Variants in PXDNL observed in about 807,000 individuals in gnomAD.
PXDNL encodes probable oxidoreductase PXDNL.
PXDNL carries 145 observed loss-of-function variants against 150.8 expected under a neutral mutation model. The observed-to-expected ratio is 0.96, with a 90% CI of 0.84 to 1.10. The LOEUF is 1.10. PXDNL is among the 50% of genes least tolerant of loss of function. The pLI is 0.00. For missense variants in PXDNL, 2,087 were observed against 1,873.9 expected, an observed-to-expected ratio of 1.11 and a Z score of -2.10; for synonymous variants, 757 against 725.7, an observed-to-expected ratio of 1.04 and a Z score of -0.69.
chr8:51,699,228 C>A (rs1299672346), intron 1 of PXDNL, among the ~76,000 whole-genome samples: 1 of 152,172 alleles, frequency 6.6e-6, no homozygotes, highest in Non-Finnish European at 1.5e-5. Context: ...GTATTTTCTT[C>A]CAGTAGAAAT....
intron 19 of PXDNL, among the ~76,000 whole-genome samples, chr8:51,355,473 G>A (rs1209841588): frequency 6.6e-6 from 1 of 152,154 alleles, no homozygotes; most frequent in Non-Finnish European, 1.5e-5. Context: ...TTGACTCTTT[G>A]TGCAATTGTT....
chr8:51,440,686 C>A (rs1292023063), intron 12 of PXDNL, among the ~76,000 whole-genome samples: 1 of 152,168 alleles, frequency 6.6e-6, no homozygotes, highest in African/African-American at 2.4e-5. Context: ...AAGTATCTAT[C>A]TAGGAAGGAA....
intron 8 of PXDNL, among the ~76,000 whole-genome samples, chr8:51,463,370 C>G (rs1810126615): frequency 6.6e-6 from 1 of 152,148 alleles, no homozygotes; most frequent in African/African-American, 2.4e-5. Context: ...CTTTTGCTGT[C>G]TTCAACAGAC....
chr8:51,421,770 C>T (rs940385838), intron 14 of PXDNL, among the ~76,000 whole-genome samples: 3 of 152,216 alleles, frequency 2.0e-5, no homozygotes, highest in Non-Finnish European at 2.9e-5. Context: ...TACTAAACTA[C>T]ATTGTTAAAA....
chr8:51,777,830 G>A (rs1461973860), intron 1 of PXDNL, among the ~76,000 whole-genome samples: 2 of 152,218 alleles, frequency 1.3e-5, no homozygotes, highest in Non-Finnish European at 2.9e-5. Context: ...ATGAACCCGG[G>A]AGGCGGAGGT....
rs147241099 is a variant in PXDNL, at chr8:51,732,182, A to G, written c.164+76999T>C. ...TGAATACATAAAACCAAATGCTTTTAACAGGACCCAAGAGCACTTTGCTGC... is the reference window on the plus strand; with the variant it reads ...TGAATACATAAAACCAAATGCTTTTGACAGGACCCAAGAGCACTTTGCTGC... On this transcript the variant is annotated intron_variant, in intron 1 of 22. Transcript: ENST00000356297. Among the ~76,000 whole-genome samples, 449 of 152,308 alleles carry G rather than the reference A, an allele frequency of 2.9e-3. No individual in the cohort carries two copies. The Middle Eastern group carries it at 0.041, about 14-fold the overall frequency.
intron 17 of PXDNL, among the ~76,000 whole-genome samples, chr8:51,398,762 A>G (rs1444409108): frequency 6.6e-6 from 1 of 152,190 alleles, no homozygotes; most frequent in Non-Finnish European, 1.5e-5. Flanking sequence ...CGAGACAGAG[A>G]AGGAAGCAAA....
chr8:51,509,863 T>C (rs898215115), intron 4 of PXDNL, among the ~76,000 whole-genome samples: 32 of 151,718 alleles, frequency 2.1e-4, no homozygotes, highest in Admixed American at 6.6e-5. Flanking sequence ...AAACTTGCAT[T>C]ATACTATGCA....
At chr8:51,320,656 CT>C (rs1805287395) in intron 22 of PXDNL, 127 bp downstream of exon 22, 1 of 689,390 alleles carries the variant, frequency 1.5e-6, no homozygotes, top group East Asian at 2.7e-5. Context: ...GTACCTTGAT[CT>C]TAAAAATATG....
intron 17 of PXDNL, among the ~76,000 whole-genome samples, chr8:51,407,465 G>T (rs1430996108): frequency 1.3e-5 from 2 of 152,122 alleles, no homozygotes; most frequent in Non-Finnish European, 2.9e-5. Flanking sequence ...TTTAAAGGAG[G>T]AATGTTGGTG....
chr8:51,405,450 T>A (rs1323300273), intron 17 of PXDNL, among the ~76,000 whole-genome samples: 2 of 152,168 alleles, frequency 1.3e-5, no homozygotes, highest in Non-Finnish European at 2.9e-5. Context: ...GATGCGGGGC[T>A]CAAGATACAT....
chr8:51,455,537 G>A (rs1389879925), intron 9 of PXDNL, among the ~76,000 whole-genome samples: 1 of 152,122 alleles, frequency 6.6e-6, no homozygotes, highest in African/African-American at 2.4e-5. Flanking sequence ...AATGTGATTA[G>A]GGCACGGGGG....
chr8:51,470,017 G>A (rs1045526751), intron 8 of PXDNL, among the ~76,000 whole-genome samples: 32 of 151,880 alleles, frequency 2.1e-4, no homozygotes, highest in African/African-American at 7.3e-4. Flanking sequence ...TATGTCATAA[G>A]TTAAAACAGG....
chr8:51,752,791 A>G (rs930190785), intron 1 of PXDNL, among the ~76,000 whole-genome samples: 3 of 152,214 alleles, frequency 2.0e-5, no homozygotes, highest in African/African-American at 7.2e-5. Context: ...TTGAAGGAAA[A>G]ATCTTGACTT....
chr8:51,553,740 T>TTATATATATATATA (rs747698313), intron 4 of PXDNL, among the ~76,000 whole-genome samples: 161 of 112,880 alleles, frequency 1.4e-3, no homozygotes, highest in Non-Finnish European at 1.8e-3. Flanking sequence ...GTGAGGGATT[T>TTATATATATATATA]TATATATATA....
intron 4 of PXDNL, among the ~76,000 whole-genome samples, chr8:51,506,875 CTCA>C (rs1811306814): frequency 6.6e-6 from 1 of 152,186 alleles, no homozygotes; most frequent in Non-Finnish European, 1.5e-5. Flanking sequence ...TTTCCCCTCC[CTCA>C]TAAGTCTGAG....
chr8:51,375,890 A>G lies in PXDNL; in HGVS notation c.3558-1159T>C, dbSNP rs74609008. ...GTTTTGCATAAAAGCAGCCATAGACAACATATAAACAAACAGACATAGTTG... is the reference window on the plus strand; with the variant it reads ...GTTTTGCATAAAAGCAGCCATAGACGACATATAAACAAACAGACATAGTTG... On this transcript the variant is annotated intron_variant, in intron 17 of 22. Coordinates refer to ENST00000356297, the MANE Select transcript of PXDNL (RefSeq NM_144651.5). 3.9e-3 allele frequency among the ~76,000 whole-genome samples: 594 copies of G among 152,350 alleles called. 5 individuals are homozygous for G. Among genetic ancestry groups the G allele is most frequent in the Non-Finnish European group, 6.3e-3 (426 of 68,036 alleles).
chr8:51,468,351 G>T (rs1019272224), intron 8 of PXDNL, among the ~76,000 whole-genome samples: 10 of 151,878 alleles, frequency 6.6e-5, no homozygotes, highest in Non-Finnish European at 2.9e-5. Context: ...AAATTCAGGT[G>T]AATTACATCT....
chr8:51,601,645 A>G (rs146817077), intron 2 of PXDNL, among the ~76,000 whole-genome samples: 1,729 of 152,164 alleles, frequency 0.011, 14 homozygotes, highest in South Asian at 0.026. Context: ...GACAGTAAAT[A>G]GATGGGTCTT....
Sources: allele counts gnomAD v4.1 joint callset (sites outside exome capture counted in the v4.1 genomes callset), GRCh38; gene constraint gnomAD v4.1.1; transcripts MANE v1.5; gene names NCBI Gene and HGNC (gene_info 2026-07-23, HGNC 2026-07-21).